The following SLC36A1 variants were observed in gnomAD, a reference collection of about 807,000 sequenced individuals.
SLC36A1 encodes proton-coupled amino acid transporter 1.
Under a neutral mutation model 47.5 loss-of-function variants are expected in SLC36A1, and 30 were observed. That is an observed-to-expected ratio of 0.63 (90% CI 0.47 to 0.86). The LOEUF (loss-of-function observed/expected upper bound fraction) is 0.86, where lower values mean the gene tolerates loss of function less well. Among genes scored for constraint, SLC36A1 ranks in the 40% least tolerant of loss-of-function variants. The pLI is 0.00. For missense variants in SLC36A1, 517 were observed against 606.0 expected, an observed-to-expected ratio of 0.85 and a Z score of 1.54; for synonymous variants, 255 against 249.7, an observed-to-expected ratio of 1.02 and a Z score of -0.20.
At chr5:151,545,457 C>G in the SLC36A1 span, 2 of 1,614,180 alleles carry the variant, frequency 1.2e-6, no homozygotes, top group Non-Finnish European at 1.7e-6. Flanking sequence ...CCATGAGAAG[C>G]TCCATGCCTG....
chr5:151,410,745 C>A, the SLC36A1 span, among the ~76,000 whole-genome samples: 3 of 144,094 alleles, frequency 2.1e-5, 1 homozygote, highest in Non-Finnish European at 4.6e-5. Context: ...TTTATGGAGA[C>A]CTTTTATATT....
the SLC36A1 span, among the ~76,000 whole-genome samples, chr5:151,356,673 A>G: frequency 6.6e-6 from 1 of 152,188 alleles, no homozygotes; most frequent in Non-Finnish European, 1.5e-5. Flanking sequence ...AAAGACAAGG[A>G]AGCAGTTCAA....
chr5:151,443,487 C>T (rs1006686675), upstream of SLC36A1, among the ~76,000 whole-genome samples: 2 of 152,096 alleles, frequency 1.3e-5, no homozygotes, highest in Admixed American at 6.5e-5. Context: ...AATGTTTATT[C>T]AGGTCCTTTG....
upstream of SLC36A1, among the ~76,000 whole-genome samples, chr5:151,443,041 A>G (rs997424529): frequency 1.3e-5 from 2 of 152,154 alleles, no homozygotes; most frequent in Admixed American, 6.5e-5. Context: ...TCTGCTGTCA[A>G]TAGACACTTG....
At chr5:151,512,086 C>T in the SLC36A1 span, 5 of 1,393,716 alleles carry the variant, frequency 3.6e-6, no homozygotes, top group East Asian at 4.7e-5. The surrounding 1 kb of genome is among the most constrained non-coding windows in gnomAD (Gnocchi z 4.1). Context: ...GCTCTGAGAT[C>T]TCCACCCTGA....
rs1760148650 is a variant in SLC36A1, at chr5:151,491,858, AG to A, written c.*3608del. The A allele has an allele frequency of 6.6e-6, 1 of 152,260 alleles. No individual in the cohort carries two copies. Among genetic ancestry groups the A allele is most frequent in the African/African-American group, 2.4e-5 (1 of 41,464 alleles). The allele number at this position is 152,260 out of a possible 1,614,324, so 9.4% of individuals were successfully genotyped here. ...CTCTGAGGCCATTAGGGGAAAAGGAAGGGGTGTGGTTTGTCTTTGAAATTAC... is the reference window on the plus strand; with the variant it reads ...CTCTGAGGCCATTAGGGGAAAAGGAAGGGTGTGGTTTGTCTTTGAAATTAC... On this transcript the variant is annotated 3_prime_UTR_variant, in exon 11 of 11. Coordinates refer to ENST00000243389, the MANE Select transcript of SLC36A1 (RefSeq NM_078483.4).
chr5:151,462,554 G>A (rs886334987), intron 2 of SLC36A1, among the ~76,000 whole-genome samples: 8 of 151,928 alleles, frequency 5.3e-5, no homozygotes, highest in East Asian at 1.9e-4. Flanking sequence ...TAGTAGAGAC[G>A]GGGTTTCACC....
At chr5:151,538,983 G>A in the SLC36A1 span, among the ~76,000 whole-genome samples, 1 of 152,090 alleles carries the variant, frequency 6.6e-6, no homozygotes, top group African/African-American at 2.4e-5. Context: ...GAAGTTTTAT[G>A]TGTGGAGATG....
chr5:151,507,087 C>T, the SLC36A1 span: 607 of 1,382,590 alleles, frequency 4.4e-4, 3 homozygotes, highest in African/African-American at 7.7e-3. Context: ...CCTCAGATAA[C>T]GGAGTGTTTA....
the SLC36A1 span, among the ~76,000 whole-genome samples, chr5:151,360,694 G>A: frequency 6.6e-6 from 1 of 152,198 alleles, no homozygotes; most frequent in Non-Finnish European, 1.5e-5. Flanking sequence ...TTCAGTACCT[G>A]TATCATAGAA....
the SLC36A1 span, among the ~76,000 whole-genome samples, chr5:151,398,836 T>C: frequency 6.6e-6 from 1 of 152,186 alleles, no homozygotes; most frequent in South Asian, 2.1e-4. Flanking sequence ...GCCCTTGGCT[T>C]CATTATCTGT....
At chr5:151,381,815 C>A in the SLC36A1 span, among the ~76,000 whole-genome samples, 1 of 152,156 alleles carries the variant, frequency 6.6e-6, no homozygotes, top group Non-Finnish European at 1.5e-5. Flanking sequence ...ACCATGTTAT[C>A]CTTAAAAACT....
the SLC36A1 span, chr5:151,542,796 C>A: frequency 1.2e-6 from 2 of 1,614,162 alleles, no homozygotes; most frequent in South Asian, 1.1e-5. Context: ...CCAAGGACAC[C>A]ACATCAGTGT....
At chr5:151,407,359 T>G in the SLC36A1 span, among the ~76,000 whole-genome samples, 1 of 152,174 alleles carries the variant, frequency 6.6e-6, no homozygotes, top group Non-Finnish European at 1.5e-5. Context: ...TTGGTGCGTT[T>G]TTACAGAGTG....
intron 9 of SLC36A1, chr5:151,477,339 A>T: frequency 5.9e-6 from 1 of 168,128 alleles, no homozygotes; most frequent in Non-Finnish European, 1.3e-5. Context: ...CTGTTAGCAG[A>T]CACTGAGAAG....
At chr5:151,543,777 G>A in the SLC36A1 span, 136 of 1,614,062 alleles carry the variant, frequency 8.4e-5, no homozygotes, top group African/African-American at 1.5e-3. Context: ...CCCTCAAATT[G>A]TAAGAAGAGT....
intron 9 of SLC36A1, among the ~76,000 whole-genome samples, chr5:151,478,194 T>C (rs1352830872): frequency 2.0e-5 from 3 of 152,224 alleles, no homozygotes; most frequent in African/African-American, 7.2e-5. Context: ...AAGGCACATA[T>C]ACACAGTCTG....
At chr5:151,450,286 A>T (rs954646148) in intron 1 of SLC36A1, among the ~76,000 whole-genome samples, 2 of 147,364 alleles carry the variant, frequency 1.4e-5, no homozygotes, top group African/African-American at 2.5e-5. Context: ...GATGGAGCTG[A>T]TGTCCACTTA....
intron 2 of SLC36A1, among the ~76,000 whole-genome samples, chr5:151,463,156 T>C (rs1053971538): frequency 6.6e-6 from 1 of 152,246 alleles, no homozygotes; most frequent in Non-Finnish European, 1.5e-5. Context: ...ATTATAGGCA[T>C]GAGCCACTGT....
Sources: gnomAD v4.1 joint callset for allele counts (sites outside exome capture counted in the v4.1 genomes callset) on GRCh38, gnomAD v4.1.1 for gene constraint, Gnocchi (gnomAD v3.1) non-coding constraint, MANE v1.5 for transcripts, NCBI Gene and HGNC (gene_info 2026-07-23, HGNC 2026-07-21) for gene names.